The following CCNY variants were observed in gnomAD, a reference collection of about 807,000 sequenced individuals.
CCNY encodes cyclin Y, also known as cyclin-Y.
A neutral mutation model predicts 42.8 loss-of-function variants in CCNY; 19 were observed. The observed-to-expected ratio is 0.44, with a 90% CI of 0.31 to 0.65. CCNY has a LOEUF of 0.65. Ranked by LOEUF, CCNY falls within the 30% of genes least tolerant of loss-of-function variation. CCNY has a pLI of 0.07. For synonymous variants in CCNY, 165 were observed against 162.7 expected (o/e 1.01, Z -0.11); for missense variants, 370 against 437.3 (o/e 0.85, Z 1.37).
chr10:35,248,909 AT>A (rs1426922957), intron 2 of CCNY, among the ~76,000 whole-genome samples: 1 of 152,034 alleles, frequency 6.6e-6, no homozygotes, highest in Non-Finnish European at 1.5e-5. Flanking sequence ...AGTGGCCTGA[AT>A]TTTACACTTT....
chr10:35,296,723 T>C (rs775860251), intron 3 of CCNY, among the ~76,000 whole-genome samples: 51 of 152,242 alleles, frequency 3.3e-4, no homozygotes, highest in Admixed American at 6.5e-4. Context: ...GATAAATTCC[T>C]GGACACATAC....
chr10:35,273,673 G>T (rs947053333), intron 3 of CCNY, among the ~76,000 whole-genome samples: 1 of 151,874 alleles, frequency 6.6e-6, no homozygotes, highest in South Asian at 2.1e-4. Context: ...TGCCCACAGG[G>T]TTACTTGATG....
At chr10:35,257,509 T>C (rs1312991760) in intron 3 of CCNY, among the ~76,000 whole-genome samples, 1 of 152,168 alleles carries the variant, frequency 6.6e-6, no homozygotes, top group East Asian at 1.9e-4. Flanking sequence ...TTAAGCCAAA[T>C]GCAAGATTCT....
At chr10:35,459,514 T>C (rs957957661) in intron 1 of CCNY, among the ~76,000 whole-genome samples, 3 of 152,220 alleles carry the variant, frequency 2.0e-5, no homozygotes, top group African/African-American at 7.2e-5. Flanking sequence ...TGGACATCCC[T>C]TGTGTAGACT....
At chr10:35,275,420 C>G (rs1247158501) in intron 3 of CCNY, among the ~76,000 whole-genome samples, 1 of 151,938 alleles carries the variant, frequency 6.6e-6, no homozygotes, top group East Asian at 1.9e-4. Context: ...ACTTGGCCTT[C>G]CCACTGCAAT....
At chr10:35,462,595 C>T (rs775219755) in intron 1 of CCNY, among the ~76,000 whole-genome samples, 4 of 152,192 alleles carry the variant, frequency 2.6e-5, no homozygotes, top group Non-Finnish European at 4.4e-5. Context: ...ACCTCTCTGC[C>T]AGGACCTGTC....
At chr10:35,304,294 A>ATTTTTTTT (rs879681124) in intron 3 of CCNY, among the ~76,000 whole-genome samples, 1 of 110,892 alleles carries the variant, frequency 9.0e-6, no homozygotes, top group African/African-American at 4.1e-5. Context: ...TTCTCCTTTT[A>ATTTTTTTT]TTTTTTTTTT....
rs1423343493 is a variant in CCNY at position 35,571,068 on chromosome 10, A to G, written c.*1898A>G. ...AAAAATGTAGAAAATATCATTTTATATTCCCTAATCTATATAGCTGAAAAA... is the reference window on the plus strand; with the variant it reads ...AAAAATGTAGAAAATATCATTTTATGTTCCCTAATCTATATAGCTGAAAAA... On this transcript the variant is annotated 3_prime_UTR_variant, in exon 10 of 10. Coordinates refer to ENST00000374704, the MANE Select transcript of CCNY (RefSeq NM_145012.6). The G allele has an allele frequency of 2.0e-5, 3 of 152,254 alleles. No homozygotes were observed. The highest frequency in any genetic ancestry group is 2.4e-5 in the African/African-American group (1 of 41,478). The allele number at this position is 152,254 out of a possible 1,614,324, so 9.4% of individuals were successfully genotyped here. A position where few individuals can be genotyped will look rare whatever the true frequency, so the allele number is the denominator to read the frequency against.
chr10:35,371,089 T>C (rs1836926023), intron 1 of CCNY, among the ~76,000 whole-genome samples: 1 of 152,218 alleles, frequency 6.6e-6, no homozygotes, highest in Non-Finnish European at 1.5e-5. Flanking sequence ...TTGAAATGGT[T>C]TTAAGAGGGC....
At chr10:35,342,579 G>A (rs1564374818) in intron 1 of CCNY, among the ~76,000 whole-genome samples, 1 of 152,226 alleles carries the variant, frequency 6.6e-6, no homozygotes, top group Non-Finnish European at 1.5e-5. Context: ...TTACAGGTGG[G>A]AAGACTGAAT....
chr10:35,374,771 A>G (rs186783240), intron 1 of CCNY, among the ~76,000 whole-genome samples: 1 of 152,344 alleles, frequency 6.6e-6, no homozygotes, highest in East Asian at 1.9e-4. Flanking sequence ...AAGTAGCTAC[A>G]TATGTTAAAG....
chr10:35,476,726 C>A (rs1385256408), intron 1 of CCNY, among the ~76,000 whole-genome samples: 5 of 150,718 alleles, frequency 3.3e-5, no homozygotes, highest in African/African-American at 1.2e-4. Context: ...ATTAAAAGAA[C>A]TAGAAAAGCA....
chr10:35,472,774 T>A (rs1564424681), intron 1 of CCNY, among the ~76,000 whole-genome samples: 1 of 152,342 alleles, frequency 6.6e-6, no homozygotes, highest in East Asian at 1.9e-4. Context: ...GCTAAATACA[T>A]GTTTTGTCTC....
At chr10:35,472,058 A>G (rs111989561) in intron 1 of CCNY, among the ~76,000 whole-genome samples, 4,786 of 152,246 alleles carry the variant, frequency 0.031, 238 homozygotes, top group African/African-American at 0.11. Flanking sequence ...TTATGTATTG[A>G]GAGTTTTGTT....
In CCNY at chr10:35,492,996, G is replaced by T. The variant is rs115899010; in HGVS notation, c.230-8505G>T. Among the ~76,000 whole-genome samples the T allele has an allele frequency of 8.4e-4, 128 of 152,162 alleles. 2 individuals are homozygous for T. In the South Asian group the frequency reaches 0.013, roughly 16 times the overall value. On this transcript the variant is annotated intron_variant, in intron 2 of 9. Coordinates refer to ENST00000374704, the MANE Select transcript of CCNY (RefSeq NM_145012.6). ...TGCAGTCTTCTCTTGAGGTGCATGG[G>T]GGGGGGAGGGCAGGTATCAGGTTTC...
In CCNY at chr10:35,480,234, A is replaced by T. The variant is rs79339373; in HGVS notation, c.155-3170A>T. On this transcript the variant is annotated intron_variant, in intron 1 of 9. Coordinates refer to ENST00000374704, the MANE Select transcript of CCNY (RefSeq NM_145012.6). ...GTGGCCCAGGGAGCATTCTTGTCAG[A>T]CTTAGAGTTATAACTTGGCCATGAA... Among the ~76,000 whole-genome samples the T allele has an allele frequency of 1.4e-3, 211 of 152,188 alleles. 3 individuals carry two copies. The East Asian group carries it at 0.037, about 26-fold the overall frequency.
intron 3 of CCNY, among the ~76,000 whole-genome samples, chr10:35,305,898 AT>A (rs1368587860): frequency 6.6e-6 from 1 of 152,178 alleles, no homozygotes; most frequent in African/African-American, 2.4e-5. Flanking sequence ...GCTTGGGATC[AT>A]TAGAGTGGGT....
intron 3 of CCNY, among the ~76,000 whole-genome samples, chr10:35,508,945 G>A (rs1008845841): frequency 1.3e-5 from 2 of 152,086 alleles, no homozygotes; most frequent in Admixed American, 6.5e-5. Context: ...ACTGTTTGTA[G>A]ATTTGTCTAT....
At position 35,436,661 on chromosome 10, in the gene CCNY, A is replaced by G. The variant is rs113066242; in HGVS notation, c.155-46743A>G. ...CTCCATGACTTTGAGATCCTTAAAT[A>G]CGTTACCTTTTTAGAACTGGTGGTG... On this transcript the variant is annotated intron_variant, in intron 1 of 9. Coordinates refer to ENST00000374704, the MANE Select transcript of CCNY (RefSeq NM_145012.6). Among the ~76,000 whole-genome samples the G allele has an allele frequency of 5.5e-3, 842 of 152,334 alleles. 2 individuals are homozygous for G. The highest frequency in any genetic ancestry group is 0.016 in the African/African-American group (647 of 41,552).
Sources: gnomAD v4.1 joint callset for allele counts (sites outside exome capture counted in the v4.1 genomes callset) on GRCh38, gnomAD v4.1.1 for gene constraint, MANE v1.5 for transcripts, NCBI Gene and HGNC (gene_info 2026-07-23, HGNC 2026-07-21) for gene names.